The following HDX variants were observed in gnomAD, a reference collection of about 807,000 sequenced individuals.
HDX encodes highly divergent homeobox, also known as chromosome X open reading frame 43.
In HDX, 19 loss-of-function variants were observed where a neutral mutation model predicts 45.2. The ratio of observed to expected loss-of-function variants is 0.42; its 90% CI spans 0.29 to 0.62. The LOEUF is 0.62. Among genes scored for constraint, HDX ranks in the 20% least tolerant of loss-of-function variants. The pLI is 0.20. For synonymous variants in HDX, 188 were observed against 172.8 expected (o/e 1.09, Z -0.69); for missense variants, 532 against 493.9 (o/e 1.08, Z -0.73).
chrX:84,471,986 C>T (rs2040463069), intron 3 of HDX, among the ~76,000 whole-genome samples: 1 of 110,239 alleles, frequency 9.1e-6, no homozygotes, highest in Non-Finnish European at 1.9e-5. Flanking sequence ...CATATTTGTA[C>T]GTAATCTTTA....
intron 2 of HDX, among the ~76,000 whole-genome samples, chrX:84,477,479 C>A (rs1457456055): frequency 8.9e-6 from 1 of 112,030 alleles, no homozygotes; most frequent in Admixed American, 9.5e-5. Flanking sequence ...AAACAGATTT[C>A]TGGATACTGC....
At chrX:84,498,651 T>C (rs1410425909) in intron 1 of HDX, among the ~76,000 whole-genome samples, 1 of 112,087 alleles carries the variant, frequency 8.9e-6, no homozygotes, top group Non-Finnish European at 1.9e-5. Context: ...AGGAAATAAA[T>C]GTTTTTAAAA....
chrX:84,320,499 T>G lies in HDX; in HGVS notation c.*1390A>C, dbSNP rs1349735322. 9.0e-6 allele frequency: 1 copy of G among 110,721 alleles called. No homozygotes were observed. Among genetic ancestry groups the G allele is most frequent in the East Asian group, 2.8e-4 (1 of 3,524 alleles). The allele number at this position is 110,721 out of a possible 1,213,427, so 9.1% of individuals were successfully genotyped here. A position where few individuals can be genotyped will look rare whatever the true frequency, so the allele number is the denominator to read the frequency against. Reference sequence around the variant, plus strand: ...TTTCAAGATCAAATTTGGCTCTAATTACAAATTTTTAAAAATATCTGAATA... The same window carrying G: ...TTTCAAGATCAAATTTGGCTCTAATGACAAATTTTTAAAAATATCTGAATA... On this transcript the variant is annotated 3_prime_UTR_variant, in exon 11 of 11. Transcript: ENST00000373177.
chrX:84,380,079 A>G (rs1007851100), intron 5 of HDX, among the ~76,000 whole-genome samples: 3 of 111,417 alleles, frequency 2.7e-5, no homozygotes, highest in African/African-American at 9.7e-5. Flanking sequence ...ACTAGTGGCT[A>G]CAATGAACAA....
At chrX:84,479,053 G>A (rs1403586579) in intron 2 of HDX, among the ~76,000 whole-genome samples, 1 of 111,423 alleles carries the variant, frequency 9.0e-6, no homozygotes, top group Non-Finnish European at 1.9e-5. Context: ...TATTAATATT[G>A]TACTTTTTAT....
At chrX:84,339,196 AATTTTTTTAAAGAAC>A in intron 7 of HDX, among the ~76,000 whole-genome samples, 1 of 111,582 alleles carries the variant, frequency 9.0e-6, no homozygotes, top group Non-Finnish European at 1.9e-5. Flanking sequence ...AGGTCAATTT[AATTTTTTTAAAGAAC>A]GGTTCATAGA....
chrX:84,381,855 G>T (rs1321704462), intron 5 of HDX, among the ~76,000 whole-genome samples: 1 of 110,135 alleles, frequency 9.1e-6, no homozygotes, highest in Admixed American at 9.7e-5. Flanking sequence ...TGAACAACTG[G>T]GATCATGTCA....
At chrX:84,392,432 A>G (rs2038463401) in intron 5 of HDX, among the ~76,000 whole-genome samples, 1 of 110,508 alleles carries the variant, frequency 9.0e-6, no homozygotes, top group Non-Finnish European at 1.9e-5. Context: ...TTTAGGATTC[A>G]TTTTTTCTAA....
At chrX:84,344,174 C>A in intron 7 of HDX, 76 bp downstream of exon 7, 1 of 788,492 alleles carries the variant, frequency 1.3e-6, no homozygotes, top group Non-Finnish European at 1.9e-6. Context: ...ACTTGAAATG[C>A]AGTAAACTGA....
intron 6 of HDX, among the ~76,000 whole-genome samples, chrX:84,358,907 A>T (rs1411387819): frequency 9.0e-6 from 1 of 110,929 alleles, no homozygotes; most frequent in Non-Finnish European, 1.9e-5. Context: ...TACTGAGATG[A>T]TCCTCCAGTG....
intron 5 of HDX, among the ~76,000 whole-genome samples, chrX:84,427,210 T>C (rs772745868): frequency 9.0e-6 from 1 of 111,219 alleles, no homozygotes; most frequent in Non-Finnish European, 1.9e-5. Flanking sequence ...ACAAGCTTGA[T>C]CTACATTACA....
In HDX at chrX:84,435,134, T is replaced by C. The variant is rs191569802; in HGVS notation, c.1305+5398A>G. The stretch of plus-strand genomic sequence containing the variant: ...AACTTTTTGTTTCATTGATATTTTA[T>C]ATATTTTTTAGTTTCCATTTCATTT... On this transcript the variant is annotated intron_variant, in intron 5 of 10. Coordinates refer to ENST00000373177, the MANE Select transcript of HDX (RefSeq NM_001177479.2). Among the ~76,000 whole-genome samples, 86 of 111,559 alleles carry C rather than the reference T, an allele frequency of 7.7e-4. 1 individual carries two copies. In the East Asian group the frequency reaches 0.022, roughly 29 times the overall value.
chrX:84,399,252 C>T (rs1322607008), intron 5 of HDX, among the ~76,000 whole-genome samples: 3 of 108,237 alleles, frequency 2.8e-5, no homozygotes, highest in African/African-American at 1.0e-4. Flanking sequence ...ACACAAACCC[C>T]CCCCCAAAAA....
chrX:84,367,707 T>C (rs774109460), intron 5 of HDX, among the ~76,000 whole-genome samples: 3 of 111,673 alleles, frequency 2.7e-5, no homozygotes, highest in Non-Finnish European at 5.6e-5. Flanking sequence ...TGCAGGAGCA[T>C]GGATGAAGCT....
chrX:84,445,599 A>C (rs28542471), intron 4 of HDX, among the ~76,000 whole-genome samples: 5,065 of 110,826 alleles, frequency 0.046, 100 homozygotes, highest in African/African-American at 0.075. Flanking sequence ...AGACTAATGC[A>C]TGGGGTAAGG....
intron 1 of HDX, among the ~76,000 whole-genome samples, chrX:84,489,822 T>A (rs1197638735): frequency 9.0e-6 from 1 of 111,104 alleles, no homozygotes; most frequent in African/African-American, 3.3e-5. Context: ...TTGCAAAGTA[T>A]TACCTCCACT....
chrX:84,419,750 T>A (rs1326552675), intron 5 of HDX, among the ~76,000 whole-genome samples: 1 of 112,007 alleles, frequency 8.9e-6, no homozygotes, highest in Non-Finnish European at 1.9e-5. Flanking sequence ...CTTAGCACAG[T>A]AATACTGGTG....
intron 5 of HDX, among the ~76,000 whole-genome samples, chrX:84,398,541 C>G (rs760785066): frequency 1.9e-4 from 21 of 111,706 alleles, no homozygotes; most frequent in Non-Finnish European, 3.6e-4. Flanking sequence ...ATATATGCAC[C>G]CAATACAGGA....
chrX:84,463,542 C>T (rs1260032343), intron 4 of HDX, among the ~76,000 whole-genome samples: 1 of 111,190 alleles, frequency 9.0e-6, no homozygotes, highest in Non-Finnish European at 1.9e-5. Flanking sequence ...CAAAGACCTT[C>T]TAAAATCCAT....
Sources: gnomAD v4.1 joint callset for allele counts (sites outside exome capture counted in the v4.1 genomes callset) on GRCh38, gnomAD v4.1.1 for gene constraint, MANE v1.5 for transcripts, NCBI Gene and HGNC (gene_info 2026-07-23, HGNC 2026-07-21) for gene names.